The following RCOR2 variants were observed in gnomAD, a reference collection of about 807,000 sequenced individuals.
RCOR2 encodes REST corepressor 2.
A neutral mutation model predicts 58.9 loss-of-function variants in RCOR2; 19 were observed. That is an observed-to-expected ratio of 0.32 (90% confidence interval 0.23 to 0.47). The LOEUF (loss-of-function observed/expected upper bound fraction) is 0.47. Among genes scored for constraint, RCOR2 ranks in the 20% least tolerant of loss-of-function variants. The probability of loss-of-function intolerance (pLI) is 1.00; values close to 1 mark genes in which losing one functional copy is unlikely to be tolerated. For synonymous variants in RCOR2, 286 were observed against 278.7 expected, an observed-to-expected ratio of 1.03 and a Z score of -0.26; for missense variants, 590 against 707.9, an observed-to-expected ratio of 0.83 and a Z score of 1.89.
upstream of RCOR2, among the ~76,000 whole-genome samples, chr11:63,920,269 T>G (rs935616029): frequency 1.2e-4 from 18 of 152,240 alleles, no homozygotes; most frequent in Admixed American, 1.3e-4. Context: ...GGTTTCTTGC[T>G]TCCTCCTTCC....
At chr11:63,923,516 T>C in the RCOR2 span, among the ~76,000 whole-genome samples, 2 of 152,122 alleles carry the variant, frequency 1.3e-5, no homozygotes, top group Non-Finnish European at 2.9e-5. Context: ...CCAGTGACTT[T>C]GTTATCTCTA....
At position 63,914,820 on chromosome 11, in the gene RCOR2, G is replaced by A; in HGVS notation, c.319-4C>T. The A allele has an allele frequency of 6.2e-7, 1 of 1,603,314 alleles. No homozygotes were observed. Among genetic ancestry groups the A allele is most frequent in the Non-Finnish European group, 8.5e-7 (1 of 1,174,514 alleles). Reference sequence around the variant, plus strand: ...GCCACAGAAGCATGCCCAGCGCCTGGCCCGGGGCAAGGGGCAGCTGAGCCT... The same window carrying A: ...GCCACAGAAGCATGCCCAGCGCCTGACCCGGGGCAAGGGGCAGCTGAGCCT... On this transcript the variant is annotated splice_polypyrimidine_tract_variant and splice_region_variant and intron_variant, in intron 4 of 11. Transcript: ENST00000301459.
rs1343446907 is a variant in RCOR2, at chr11:63,916,593, G to C, written c.-137C>G. ...TTAGGAGAGGCAGGAGGTCAGCGTG[G>C]CTAGGGTCCGGCGGGGTGGGAGCCC... On this transcript the variant is annotated 5_prime_UTR_variant, in exon 1 of 12. Transcript: ENST00000301459. 1 of 1,401,760 alleles carries C rather than the reference G, an allele frequency of 7.1e-7. No homozygotes were observed. Among genetic ancestry groups the C allele is most frequent in the Non-Finnish European group, 9.3e-7 (1 of 1,070,964 alleles). 86.8% of individuals were successfully genotyped at this position (1,401,760 alleles called of 1,614,324 possible). A position where few individuals can be genotyped will look rare whatever the true frequency, so the allele number is the denominator to read the frequency against.
chr11:63,920,495 G>A (rs542529023), upstream of RCOR2, among the ~76,000 whole-genome samples: 207 of 152,370 alleles, frequency 1.4e-3, no homozygotes, highest in Non-Finnish European at 2.4e-3. Flanking sequence ...TGTTGCCTGG[G>A]ACCCTGGCCA....
At chr11:63,912,568 C>T (rs1327965841) in intron 10 of RCOR2, 34 bp from the exon 11 acceptor site, 1 of 1,594,118 alleles carries the variant, frequency 6.3e-7, no homozygotes, top group African/African-American at 1.3e-5. Flanking sequence ...GCGTCAATAC[C>T]CCTTCGAACT....
chr11:63,926,792 G>GT, the RCOR2 span, among the ~76,000 whole-genome samples: 1 of 79,642 alleles, frequency 1.3e-5, no homozygotes, highest in Non-Finnish European at 3.1e-5. Flanking sequence ...TTTTTTTTTT[G>GT]TTTTGTTTTT....
At chr11:63,921,369 T>G (rs146992517), upstream of RCOR2, among the ~76,000 whole-genome samples, 1 of 152,274 alleles carries the variant, frequency 6.6e-6, no homozygotes, top group Non-Finnish European at 1.5e-5. Context: ...CCTGGCGCCA[T>G]GTTCCTGGGG....
At chr11:63,926,722 G>A in the RCOR2 span, among the ~76,000 whole-genome samples, 14 of 150,972 alleles carry the variant, frequency 9.3e-5, no homozygotes, top group African/African-American at 3.2e-4. Context: ...CTGACCTCAC[G>A]ATCCACCCAC....
chr11:63,914,344 G>A lies in RCOR2; in HGVS notation c.606-14C>T, dbSNP rs369832645. ...TCGAGCTCATCACTGCTGACACAGG[G>A]GCCAGGGAGGGAATGAGGCAGCTGC... On this transcript the variant is annotated splice_polypyrimidine_tract_variant and intron_variant, in intron 6 of 11. Coordinates refer to ENST00000301459, the MANE Select transcript of RCOR2 (RefSeq NM_173587.4). 1.1e-5 allele frequency: 17 copies of A among 1,613,454 alleles called. No individual in the cohort carries two copies. The highest frequency in any genetic ancestry group is 9.3e-5 in the African/African-American group (7 of 75,030).
rs535330387 is a variant in RCOR2 at position 63,914,263 on chromosome 11, C to G, written c.673G>C (p.Glu225Gln). 5.0e-6 allele frequency: 8 copies of G among 1,613,530 alleles called. No individual in the cohort carries two copies. Among genetic ancestry groups the G allele is most frequent in the Non-Finnish European group, 6.8e-6 (8 of 1,179,984 alleles). Reference sequence around the variant, plus strand: ...GCCCAGAGGCTCTGGGAGCTCACCTCTCTCTTGGGATCTGCAGGATCGGGC... The same window carrying G: ...GCCCAGAGGCTCTGGGAGCTCACCTGTCTCTTGGGATCTGCAGGATCGGGC... ...GEPDPADPKR[E>Q]PLPSRPLNAR... Residue 225 changes from glutamate to glutamine, a missense_variant and splice_region_variant, in exon 7 of 12, where the codon GAG becomes CAG. Glu to Gln is a conservative substitution (Grantham distance 29, BLOSUM62 2). This residue lies in a region of RCOR2 where 390 missense variants were observed against 478.7 expected (regional missense o/e 0.81). Transcript: ENST00000301459.
chr11:63,919,199 G>T (rs746679925), upstream of RCOR2, among the ~76,000 whole-genome samples: 1 of 152,062 alleles, frequency 6.6e-6, no homozygotes, highest in Non-Finnish European at 1.5e-5. Context: ...GGGCCACGGG[G>T]TCCAGAGGGA....
the RCOR2 span, among the ~76,000 whole-genome samples, chr11:63,925,325 G>T: frequency 6.6e-6 from 1 of 152,096 alleles, no homozygotes; most frequent in Non-Finnish European, 1.5e-5. Context: ...CTATGGCGTT[G>T]ATCCCATGCC....
chr11:63,916,321 C>G lies in RCOR2; in HGVS notation c.127+9G>C. 6.3e-7 allele frequency: 1 copy of G among 1,599,048 alleles called. No homozygotes were observed. Among genetic ancestry groups the G allele is most frequent in the Non-Finnish European group, 8.5e-7 (1 of 1,174,656 alleles). On this transcript the variant is annotated intron_variant, in intron 1 of 11. Coordinates refer to ENST00000301459, the MANE Select transcript of RCOR2 (RefSeq NM_173587.4). Reference sequence around the variant, plus strand: ...CGGCGCGCCTTTAACCCTAGGCCACCGGGCTCACCGTGCGAGTGCTCCTCC... The same window carrying G: ...CGGCGCGCCTTTAACCCTAGGCCACGGGGCTCACCGTGCGAGTGCTCCTCC...
the RCOR2 span, among the ~76,000 whole-genome samples, chr11:63,927,549 A>G: frequency 2.0e-5 from 3 of 152,088 alleles, no homozygotes; most frequent in African/African-American, 7.2e-5. Flanking sequence ...GATTACAGGT[A>G]TGAGCCACTG....
At position 63,916,520 on chromosome 11, in the gene RCOR2, C is replaced by T; in HGVS notation, c.-64G>A. 6.5e-7 allele frequency: 1 copy of T among 1,539,656 alleles called. No homozygotes were observed. The highest frequency in any genetic ancestry group is 1.9e-5 in the Admixed American group (1 of 51,896). On this transcript the variant is annotated 5_prime_UTR_variant, in exon 1 of 12. Coordinates refer to ENST00000301459, the MANE Select transcript of RCOR2 (RefSeq NM_173587.4). ...GGAGAGCGACAGTGGTTGCCGCACT[C>T]GCTCCGAGTGCCGAGCCCGGCCCGG...
chr11:63,912,207 C>G (rs774044751), intron 11 of RCOR2, 28 bp from the exon 12 acceptor site: 2 of 1,590,056 alleles, frequency 1.3e-6, no homozygotes, highest in Non-Finnish European at 1.7e-6. Context: ...AGTGAGAAGC[C>G]AGGCTCTTCC....
At chr11:63,923,618 C>T in the RCOR2 span, among the ~76,000 whole-genome samples, 10 of 152,306 alleles carry the variant, frequency 6.6e-5, no homozygotes, top group South Asian at 1.2e-3. Context: ...ATGTGAGCTC[C>T]TCCCTGGCTC....
chr11:63,927,208 GC>G, the RCOR2 span, among the ~76,000 whole-genome samples: 1 of 152,066 alleles, frequency 6.6e-6, no homozygotes, highest in African/African-American at 2.4e-5. Flanking sequence ...CAGGACATCT[GC>G]CCCCTCCCTA....
chr11:63,917,861 C>A (rs569307180), upstream of RCOR2, among the ~76,000 whole-genome samples: 1 of 152,236 alleles, frequency 6.6e-6, no homozygotes, highest in East Asian at 1.9e-4. Context: ...TTCACTGTCA[C>A]CCCAGCTGGA....
Sources: allele counts gnomAD v4.1 joint callset (sites outside exome capture counted in the v4.1 genomes callset), GRCh38; gene constraint gnomAD v4.1.1; regional missense constraint gnomAD v4.1.1; transcripts MANE v1.5; gene names NCBI Gene and HGNC (gene_info 2026-07-23, HGNC 2026-07-21).